Variants in CDC42BPB observed in about 807,000 individuals in gnomAD.
The protein encoded by CDC42BPB is serine/threonine-protein kinase MRCK beta.
A neutral mutation model predicts 214.9 loss-of-function variants in CDC42BPB; 37 were observed. That is an observed-to-expected ratio of 0.17 (90% confidence interval 0.13 to 0.23). The LOEUF (loss-of-function observed/expected upper bound fraction) is 0.23, where lower values mean the gene tolerates loss of function less well. Ranked by LOEUF, CDC42BPB falls within the 10% of genes least tolerant of loss-of-function variation. The probability of loss-of-function intolerance (pLI) is 1.00; values close to 1 mark genes in which losing one functional copy is unlikely to be tolerated. For missense variants in CDC42BPB, 1,694 were observed against 2,227.0 expected (o/e 0.76, Z 4.82); for synonymous variants, 931 against 884.0 (o/e 1.05, Z -0.94).
intron 1 of CDC42BPB, among the ~76,000 whole-genome samples, chr14:103,053,604 A>AC (rs1202167741): frequency 6.7e-6 from 1 of 150,068 alleles, no homozygotes; most frequent in Non-Finnish European, 1.5e-5. Context: ...TACTAAAAAT[A>AC]CAAAAAAATT....
In CDC42BPB at chr14:102,968,453, G is replaced by C. The variant is rs777934579; in HGVS notation, c.2240+19C>G. 3 of 1,613,718 alleles carry C rather than the reference G, an allele frequency of 1.9e-6. No individual in the cohort carries two copies. The highest frequency in any genetic ancestry group is 1.7e-6 in the Non-Finnish European group (2 of 1,179,850). On this transcript the variant is annotated intron_variant, in intron 15 of 36. Coordinates refer to ENST00000361246, the MANE Select transcript of CDC42BPB (RefSeq NM_006035.4). ...TATCAGCTTGCATCTTCTGAACTGA[G>C]AAGCTCATGAAAACCTACCGTTCTC...
At chr14:103,037,583 C>T (rs1055210348) in intron 1 of CDC42BPB, among the ~76,000 whole-genome samples, 3 of 152,178 alleles carry the variant, frequency 2.0e-5, no homozygotes, top group African/African-American at 7.2e-5. Context: ...TATTCTGATA[C>T]TTTCAATACA....
chr14:103,044,671 A>G (rs558243384), intron 1 of CDC42BPB, among the ~76,000 whole-genome samples: 3 of 150,192 alleles, frequency 2.0e-5, no homozygotes, highest in Admixed American at 2.0e-4. Flanking sequence ...GCCTGGCCCT[A>G]ATTTTTTTAA....
intron 5 of CDC42BPB, among the ~76,000 whole-genome samples, chr14:102,987,733 A>G (rs1238126615): frequency 6.6e-6 from 1 of 151,860 alleles, no homozygotes; most frequent in Non-Finnish European, 1.5e-5. Context: ...AATATCCTCA[A>G]ATAAACATTC....
intron 21 of CDC42BPB, among the ~76,000 whole-genome samples, chr14:102,958,157 GGAC>G (rs1892793785): frequency 6.6e-6 from 1 of 152,218 alleles, no homozygotes. Context: ...GGCATTCCTG[GGAC>G]GACAAGGGAC....
chr14:102,986,455 C>T (rs2139540014), intron 6 of CDC42BPB, 32 bp downstream of exon 6: 1 of 1,562,844 alleles, frequency 6.4e-7, no homozygotes, highest in Non-Finnish European at 8.8e-7. Context: ...AAACCCAAAA[C>T]CAAATGGAAA....
chr14:102,961,581 G>C (rs989647425), intron 20 of CDC42BPB, among the ~76,000 whole-genome samples: 16 of 151,036 alleles, frequency 1.1e-4, no homozygotes, highest in Admixed American at 5.3e-4. Context: ...GCCCAAGCTG[G>C]AGTGCAATGG....
chr14:103,056,656 A>C (rs1180320475), intron 1 of CDC42BPB, among the ~76,000 whole-genome samples: 1 of 48,018 alleles, frequency 2.1e-5, no homozygotes, highest in Non-Finnish European at 3.9e-5. Flanking sequence ...GGAAGCCGCC[A>C]GGGCGAGGGC....
At position 102,944,024 on chromosome 14, in the gene CDC42BPB, A is replaced by G; in HGVS notation, c.4275T>C (p.Asp1425=). The change falls in exon 30 of 37, where the codon GAT becomes GAC. Residue 1425 remains aspartate, a synonymous_variant. Transcript: ENST00000361246. This position sits in a 1 kb window ranked among gnomAD's most constrained non-coding sequence, Gnocchi z 6.6. ...TTTCGAGCTCCACAGCACAAAGGGC[A>G]TCAAAAGACTGTTGTGAGAGGAACG... is the stretch of plus-strand genomic sequence containing the variant. The part of the protein sequence containing the change: ...SLAFLSQQSF[D]ALCAVELESE... The G allele has an allele frequency of 6.2e-7, 1 of 1,613,530 alleles. No homozygotes were observed. Among genetic ancestry groups the G allele is most frequent in the Non-Finnish European group, 8.5e-7 (1 of 1,180,028 alleles).
chr14:102,974,281 TAC>T (rs71119749), intron 11 of CDC42BPB, 132 bp from the exon 12 acceptor site: 236,575 of 1,265,378 alleles, frequency 0.19, 797 homozygotes, highest in Non-Finnish European at 0.2. Flanking sequence ...TTTTTTTACT[TAC>T]ACACACACAC....
intron 2 of CDC42BPB, among the ~76,000 whole-genome samples, chr14:103,009,739 C>G (rs915621403): frequency 6.6e-6 from 1 of 152,246 alleles, no homozygotes; most frequent in Admixed American, 6.5e-5. Flanking sequence ...CTGAAGGGCT[C>G]TGTGTGGCCT....
chr14:103,018,571 AAAG>A (rs1886595363), intron 1 of CDC42BPB, among the ~76,000 whole-genome samples: 2 of 152,144 alleles, frequency 1.3e-5, no homozygotes, highest in Non-Finnish European at 2.9e-5. Flanking sequence ...TGGGATGAGC[AAAG>A]AAGATTCCAG....
chr14:102,993,862 C>G (rs28656240), intron 5 of CDC42BPB, among the ~76,000 whole-genome samples: 17,641 of 152,178 alleles, frequency 0.12, 1,884 homozygotes, highest in African/African-American at 0.29. Context: ...AGGATAATTA[C>G]ACTACTTTAT....
intron 1 of CDC42BPB, among the ~76,000 whole-genome samples, chr14:103,047,669 C>A (rs553594479): frequency 1.3e-5 from 2 of 152,168 alleles, no homozygotes; most frequent in East Asian, 3.9e-4. Flanking sequence ...TTGGGGAGGC[C>A]GAAGCGGGCA....
chr14:102,943,771 C>G lies in CDC42BPB; in HGVS notation c.4408+120G>C. The G allele has an allele frequency of 1.1e-6, 1 of 877,398 alleles. No homozygotes were observed. Among genetic ancestry groups the G allele is most frequent in the Non-Finnish European group, 1.7e-6 (1 of 577,466 alleles). 54.4% of individuals were successfully genotyped at this position (877,398 alleles called of 1,614,324 possible). ...GGGCTGGCATGGGGCCCACCTCTCC[C>G]GATGCTCTGTGACTACTCAACTAAG... is the stretch of plus-strand genomic sequence containing the variant. On this transcript the variant is annotated intron_variant, in intron 30 of 36. Coordinates refer to ENST00000361246, the MANE Select transcript of CDC42BPB (RefSeq NM_006035.4). The surrounding 1 kb of genome is among the most constrained non-coding windows in gnomAD (Gnocchi z 4.6).
intron 1 of CDC42BPB, among the ~76,000 whole-genome samples, chr14:103,042,869 T>C (rs1434624368): frequency 6.6e-6 from 1 of 152,164 alleles, no homozygotes; most frequent in African/African-American, 2.4e-5. Context: ...ACCTGGCAGT[T>C]CCTCAGGATG....
At chr14:103,021,927 C>T (rs189798190) in intron 1 of CDC42BPB, among the ~76,000 whole-genome samples, 1 of 152,268 alleles carries the variant, frequency 6.6e-6, no homozygotes, top group African/African-American at 2.4e-5. Context: ...GCACAGAGCA[C>T]TGGCCAAGCA....
intron 1 of CDC42BPB, among the ~76,000 whole-genome samples, chr14:103,047,576 C>A (rs547820678): frequency 3.9e-5 from 6 of 152,096 alleles, no homozygotes; most frequent in South Asian, 2.1e-4. Flanking sequence ...GAATTCTGTA[C>A]GCAGGCAAAG....
chr14:102,966,857 C>T lies in CDC42BPB; in HGVS notation c.2471+189G>A, dbSNP rs1428343525. ...CTTCAGTGGGTTGGTGGGGGCGTAT[C>T]TCCACCTCTATTCCAACAGAACCAC... is the stretch of plus-strand genomic sequence containing the variant. On this transcript the variant is annotated intron_variant, in intron 17 of 36. Coordinates refer to ENST00000361246, the MANE Select transcript of CDC42BPB (RefSeq NM_006035.4). Among the ~76,000 whole-genome samples the T allele has an allele frequency of 6.6e-5, 10 of 152,276 alleles. No individual in the cohort carries two copies. The South Asian group carries it at 1.7e-3, about 25-fold the overall frequency.
Sources: allele counts gnomAD v4.1 joint callset (sites outside exome capture counted in the v4.1 genomes callset), GRCh38; gene constraint gnomAD v4.1.1; non-coding constraint Gnocchi (gnomAD v3.1); transcripts MANE v1.5; gene names NCBI Gene and HGNC (gene_info 2026-07-23, HGNC 2026-07-21).